Variants in TTC27 observed in about 807,000 individuals in gnomAD.
TTC27 encodes tetratricopeptide repeat domain 27.
TTC27 carries 79 observed loss-of-function variants against 115.9 expected under a neutral mutation model. That is an observed-to-expected ratio of 0.68 (90% CI 0.57 to 0.82). TTC27 has a LOEUF of 0.82. TTC27 is among the 40% of genes least tolerant of loss of function. TTC27 has a pLI of 0.00. For missense variants in TTC27, 1,054 were observed against 993.1 expected, an observed-to-expected ratio of 1.06 and a Z score of -0.82; for synonymous variants, 401 against 356.0, an observed-to-expected ratio of 1.13 and a Z score of -1.42.
intron 4 of TTC27, among the ~76,000 whole-genome samples, chr2:32,648,157 C>T (rs1017072972): frequency 5.3e-5 from 8 of 151,112 alleles, no homozygotes; most frequent in African/African-American, 2.0e-4. Context: ...GACGGAGTTT[C>T]ACTCTTGTTG....
intron 4 of TTC27, among the ~76,000 whole-genome samples, chr2:32,645,349 A>C (rs1345180292): frequency 6.6e-6 from 1 of 152,134 alleles, no homozygotes; most frequent in East Asian, 1.9e-4. Context: ...ATAAACTGGC[A>C]AATATTTATT....
intron 9 of TTC27, among the ~76,000 whole-genome samples, chr2:32,691,604 C>G (rs1666814112): frequency 6.6e-6 from 1 of 151,958 alleles, no homozygotes; most frequent in Non-Finnish European, 1.5e-5. Flanking sequence ...TGGCCTGCAT[C>G]TCTTAATCTT....
Position 32,733,914 on chromosome 2 carries a change from G to C in TTC27, c.1320G>C (p.Trp440Cys). ...IFYCCQVPPH[W>C]AIQRQLASLL... ...ATTGCTGTCAAGTACCACCTCACTG[G>C]GCCATTCAGGTATTTCTGTTGTTTG... is the stretch of plus-strand genomic sequence containing the variant. Residue 440 changes from tryptophan (W) to cysteine (C), a missense_variant, in exon 11 of 20, where the codon TGG becomes TGC. Transcript: ENST00000317907. 6.2e-7 allele frequency: 1 copy of C among 1,608,620 alleles called. No individual in the cohort carries two copies. Among genetic ancestry groups the C allele is most frequent in the Non-Finnish European group, 8.5e-7 (1 of 1,176,844 alleles).
Position 32,640,674 on chromosome 2 carries a change from T to G in TTC27, c.537+264T>G, listed in dbSNP as rs771779629. On this transcript the variant is annotated intron_variant, in intron 4 of 19. Coordinates refer to ENST00000317907, the MANE Select transcript of TTC27 (RefSeq NM_017735.5). ...TATAAATGTTCATTTGCAGAAATCT[T>G]AAATATCGATTTAAAAATATACCTT... is the stretch of plus-strand genomic sequence containing the variant. Among the ~76,000 whole-genome samples the G allele has an allele frequency of 7.8e-4, 119 of 152,060 alleles. 2 individuals are homozygous for G. Among genetic ancestry groups the G allele is most frequent in the Non-Finnish European group, 1.2e-4 (8 of 68,006 alleles).
rs561207993 is a variant in TTC27, at chr2:32,730,782, C to T, written c.1234-3046C>T. Among the ~76,000 whole-genome samples, 51 of 151,972 alleles carry T rather than the reference C, an allele frequency of 3.4e-4. No individual in the cohort carries two copies. The South Asian group carries it at 8.5e-3, about 25-fold the overall frequency. On this transcript the variant is annotated intron_variant, in intron 10 of 19. Transcript: ENST00000317907. ...GATTACAGGCCTGCGCCACCACACC[C>T]GGCTGATTTTTGTATTTTTAGTAGA...
At chr2:32,634,246 T>C (rs530626656) in intron 3 of TTC27, among the ~76,000 whole-genome samples, 1 of 152,210 alleles carries the variant, frequency 6.6e-6, no homozygotes, top group East Asian at 1.9e-4. Flanking sequence ...TTAATGAAAG[T>C]ACAGACAGCT....
At chr2:32,814,729 A>G (rs978129310) in intron 18 of TTC27, among the ~76,000 whole-genome samples, 2 of 152,230 alleles carry the variant, frequency 1.3e-5, no homozygotes, top group African/African-American at 4.8e-5. Flanking sequence ...TGCAGTGTTC[A>G]GTACAGTCAC....
At chr2:32,754,872 G>C (rs1444200329) in intron 12 of TTC27, among the ~76,000 whole-genome samples, 1 of 149,642 alleles carries the variant, frequency 6.7e-6, no homozygotes, top group Non-Finnish European at 1.5e-5. Flanking sequence ...CCAGGCGGGG[G>C]GGCTGACCCC....
chr2:32,749,219 T>G (rs1391009505), intron 12 of TTC27, among the ~76,000 whole-genome samples: 1 of 152,242 alleles, frequency 6.6e-6, no homozygotes, highest in East Asian at 1.9e-4. Context: ...TGAAAGACTT[T>G]TCACTGAACA....
chr2:32,697,721 C>T (rs193202092), intron 9 of TTC27, among the ~76,000 whole-genome samples: 10 of 151,846 alleles, frequency 6.6e-5, no homozygotes, highest in South Asian at 2.1e-4. Flanking sequence ...ATGGCTGGGA[C>T]GGTAGAGGAA....
At chr2:32,641,734 A>C (rs187597912) in intron 4 of TTC27, among the ~76,000 whole-genome samples, 1 of 152,238 alleles carries the variant, frequency 6.6e-6, no homozygotes, top group African/African-American at 2.4e-5. Context: ...GCTGGAGTGC[A>C]ATGGCGCGAT....
chr2:32,628,884 C>T (rs1340824180), intron 1 of TTC27, among the ~76,000 whole-genome samples: 1 of 151,690 alleles, frequency 6.6e-6, no homozygotes, highest in African/African-American at 2.4e-5. Context: ...CCTCAGCCTC[C>T]AGGGTAGCTG....
At chr2:32,650,449 A>T (rs1281300621) in intron 5 of TTC27, among the ~76,000 whole-genome samples, 4 of 150,708 alleles carry the variant, frequency 2.7e-5, no homozygotes, top group Non-Finnish European at 5.9e-5. Context: ...AAAAAAGATA[A>T]CTACTTTCAC....
chr2:32,736,666 A>G (rs1424242073), intron 11 of TTC27, 28 bp from the exon 12 acceptor site: 1 of 1,613,314 alleles, frequency 6.2e-7, no homozygotes, highest in South Asian at 1.1e-5. Context: ...ACCAAGAAGT[A>G]TTAATTATTT....
chr2:32,703,033 A>G, intron 10 of TTC27, 113 bp downstream of exon 10: 1 of 758,434 alleles, frequency 1.3e-6, no homozygotes, highest in Non-Finnish European at 2.2e-6. Context: ...CACTCAAATA[A>G]TTTGTTACTG....
intron 16 of TTC27, among the ~76,000 whole-genome samples, chr2:32,794,710 AAAAG>A (rs1189307773): frequency 1.3e-5 from 2 of 152,154 alleles, no homozygotes; most frequent in African/African-American, 2.4e-5. Context: ...ACTAAGGAAA[AAAAG>A]AGAAGATTCA....
At chr2:32,805,555 A>G (rs1387523240) in intron 16 of TTC27, among the ~76,000 whole-genome samples, 1 of 152,262 alleles carries the variant, frequency 6.6e-6, no homozygotes, top group Admixed American at 6.5e-5. Context: ...TTTGGCACAA[A>G]GCGAGTGCTC....
At chr2:32,755,211 C>T (rs1312896202) in intron 12 of TTC27, among the ~76,000 whole-genome samples, 1 of 152,184 alleles carries the variant, frequency 6.6e-6, no homozygotes, top group Non-Finnish European at 1.5e-5. Flanking sequence ...AATCTCGGCA[C>T]TTTGGGAGGC....
chr2:32,760,616 AGAAG>A (rs1407610251), intron 13 of TTC27, among the ~76,000 whole-genome samples: 1 of 152,104 alleles, frequency 6.6e-6, no homozygotes, highest in African/African-American at 2.4e-5. Flanking sequence ...GGTTTTTGAT[AGAAG>A]GGAGAACTCA....
Sources: allele counts gnomAD v4.1 joint callset (sites outside exome capture counted in the v4.1 genomes callset), GRCh38; gene constraint gnomAD v4.1.1; transcripts MANE v1.5; gene names NCBI Gene and HGNC (gene_info 2026-07-23, HGNC 2026-07-21).